TEX9: variants seen among roughly 807,000 people sequenced by gnomAD.
The protein encoded by TEX9 is testis expressed 9.
Under a neutral mutation model 59.6 loss-of-function variants are expected in TEX9, and 74 were observed. That is an observed-to-expected ratio of 1.24 (90% CI 1.03 to 1.51). The LOEUF (loss-of-function observed/expected upper bound fraction) is 1.51. Ranked by LOEUF, TEX9 falls within the 40% of genes most tolerant of loss-of-function variation. TEX9 has a pLI of 0.00. For missense variants in TEX9, 522 were observed against 447.8 expected (o/e 1.17, Z -1.49); for synonymous variants, 186 against 152.2 (o/e 1.22, Z -1.64).
Position 56,431,462 on chromosome 15 carries a change from G to A in TEX9, c.*29+2989G>A, listed in dbSNP as rs746510838. Reference sequence around the variant, plus strand: ...ATAATTGCATTAATAAATCCTTGCCGCCTTTGCTGCAACTGCCACTCTTCT... The same window carrying A: ...ATAATTGCATTAATAAATCCTTGCCACCTTTGCTGCAACTGCCACTCTTCT... On this transcript the variant is annotated intron_variant, in intron 12 of 12. Coordinates refer to ENST00000352903, the Ensembl canonical transcript of TEX9. The A allele has an allele frequency of 3.9e-5, 63 of 1,613,238 alleles. No individual in the cohort carries two copies. The highest frequency in any genetic ancestry group is 1.7e-4 in the Middle Eastern group (1 of 5,992).
downstream of TEX9, among the ~76,000 whole-genome samples, chr15:56,448,988 C>T (rs2050928414): frequency 6.6e-6 from 1 of 152,134 alleles, no homozygotes; most frequent in Admixed American, 6.5e-5. Flanking sequence ...CTCCTGACCT[C>T]AGGTGATCCA....
chr15:56,376,204 T>G (rs1367281788), intron 3 of TEX9, among the ~76,000 whole-genome samples: 3 of 151,936 alleles, frequency 2.0e-5, no homozygotes, highest in Non-Finnish European at 4.4e-5. Context: ...ACATGTACCC[T>G]AAAACTTAAA....
At chr15:56,382,939 C>G (rs996914711) in intron 3 of TEX9, among the ~76,000 whole-genome samples, 1 of 152,256 alleles carries the variant, frequency 6.6e-6, no homozygotes, top group South Asian at 2.1e-4. Flanking sequence ...GGCTCTGAGT[C>G]AAGCCCAGCA....
At chr15:56,460,009 A>AAAAAAAAAAATATATATAT in the TEX9 span, among the ~76,000 whole-genome samples, 9 of 26,384 alleles carry the variant, frequency 3.4e-4, no homozygotes, top group South Asian at 1.5e-3. Context: ...AAAAAAAAAA[A>AAAAAAAAAAATATATATAT]ATACATATAT....
At chr15:56,389,375 A>G (rs765181178) in exon 6 of TEX9, 1 of 1,610,822 alleles carries the variant, frequency 6.2e-7, no homozygotes, top group Non-Finnish European at 8.5e-7. Flanking sequence ...ACACTCTGCA[A>G]ATAAAGGAAG....
chr15:56,455,449 TTAATA>T, the TEX9 span, among the ~76,000 whole-genome samples: 1 of 152,098 alleles, frequency 6.6e-6, no homozygotes, highest in Admixed American at 6.6e-5. Flanking sequence ...GCCAAACATA[TTAATA>T]TAATTTAACA....
intron 1 of TEX9, among the ~76,000 whole-genome samples, chr15:56,262,985 G>C (rs2044300895): frequency 6.6e-6 from 1 of 152,078 alleles, no homozygotes; most frequent in Non-Finnish European, 1.5e-5. Flanking sequence ...CTCAGTCTCT[G>C]TACTTACATT....
chr15:56,397,791 T>C (rs2048550583), intron 9 of TEX9: 1 of 152,236 alleles, frequency 6.6e-6, no homozygotes, highest in African/African-American at 2.4e-5. Flanking sequence ...GGAGATTTGA[T>C]GGTTTTAAAA....
chr15:56,320,864 A>G lies in TEX9; in HGVS notation c.-106-52577A>G, dbSNP rs373668927. The stretch of plus-strand genomic sequence containing the variant: ...CCTTTGTTTTCCTTTGCCCCTTTGG[A>G]CACATATCTCCCTCAGGAATATTGT... On this transcript the variant is annotated intron_variant, in intron 1 of 5. Coordinates refer to the TEX9 transcript ENST00000560827. Among the ~76,000 whole-genome samples, 16 of 152,118 alleles carry G rather than the reference A, an allele frequency of 1.1e-4. 1 individual carries two copies. The highest frequency in any genetic ancestry group is 7.7e-4 in the East Asian group (4 of 5,190).
At chr15:56,324,169 A>G (rs1596089959) in intron 1 of TEX9, among the ~76,000 whole-genome samples, 1 of 133,918 alleles carries the variant, frequency 7.5e-6, no homozygotes, top group Non-Finnish European at 1.7e-5. Context: ...ACTAAATATC[A>G]CTCTGTAATT....
intron 9 of TEX9, among the ~76,000 whole-genome samples, chr15:56,409,085 T>G (rs1274174272): frequency 6.6e-6 from 1 of 151,826 alleles, no homozygotes; most frequent in Non-Finnish European, 1.5e-5. Context: ...AGTCCCAGCT[T>G]CTTGGGAGGC....
intron 1 of TEX9, among the ~76,000 whole-genome samples, chr15:56,333,130 G>C (rs1282800755): frequency 6.6e-6 from 1 of 151,950 alleles, no homozygotes; most frequent in Non-Finnish European, 1.5e-5. Context: ...CAACTATTCT[G>C]AAAAATAGAG....
At chr15:56,266,695 G>A (rs2044392702) in intron 1 of TEX9, among the ~76,000 whole-genome samples, 1 of 152,176 alleles carries the variant, frequency 6.6e-6, no homozygotes, top group African/African-American at 2.4e-5. Context: ...CATGGTGTAT[G>A]TGTGCCATAT....
intron 11 of TEX9, 82 bp downstream of exon 11, chr15:56,427,821 G>C: frequency 9.0e-7 from 1 of 1,105,910 alleles, no homozygotes; most frequent in Non-Finnish European, 1.2e-6. Flanking sequence ...CTTTAGGTAT[G>C]TTTTTGACAT....
intron 1 of TEX9, among the ~76,000 whole-genome samples, chr15:56,332,916 C>T (rs1340126944): frequency 2.0e-5 from 3 of 151,936 alleles, no homozygotes; most frequent in African/African-American, 7.3e-5. Flanking sequence ...ATTGGAAAAT[C>T]TAAAAGAAAT....
At chr15:56,309,995 A>G (rs2045572625) in intron 1 of TEX9, among the ~76,000 whole-genome samples, 1 of 152,132 alleles carries the variant, frequency 6.6e-6, no homozygotes, top group African/African-American at 2.4e-5. Flanking sequence ...CTGCCCTCCA[A>G]AGAGTCTGGG....
At chr15:56,422,007 G>A (rs2050000360) in intron 10 of TEX9, among the ~76,000 whole-genome samples, 1 of 147,606 alleles carries the variant, frequency 6.8e-6, no homozygotes, top group Admixed American at 6.9e-5. Context: ...GGGTCAAATG[G>A]TATTTCTAGT....
At chr15:56,443,939 A>G in intron 12 of TEX9, 2 of 1,052,688 alleles carry the variant, frequency 1.9e-6, no homozygotes, top group South Asian at 3.7e-5. Flanking sequence ...AATGTACAGA[A>G]AAACACTATA....
intron 1 of TEX9, among the ~76,000 whole-genome samples, chr15:56,313,094 G>A (rs1295103576): frequency 6.6e-6 from 1 of 150,568 alleles, no homozygotes; most frequent in Non-Finnish European, 1.5e-5. Context: ...TCTGCAAACA[G>A]GGACAATTTG....
Sources: allele counts gnomAD v4.1 joint callset (sites outside exome capture counted in the v4.1 genomes callset), GRCh38; gene constraint gnomAD v4.1.1; transcripts MANE v1.5; gene names NCBI Gene and HGNC (gene_info 2026-07-23, HGNC 2026-07-21).